GPATCH1: variants seen among roughly 807,000 people sequenced by gnomAD.
The protein encoded by GPATCH1 is G patch domain-containing protein 1.
A neutral mutation model predicts 114.9 loss-of-function variants in GPATCH1; 73 were observed. That is an observed-to-expected ratio of 0.64 (90% CI 0.53 to 0.77). The LOEUF is 0.77. Among genes scored for constraint, GPATCH1 ranks in the 30% least tolerant of loss-of-function variants. The pLI, the probability that GPATCH1 is intolerant of heterozygous loss-of-function variation, is 0.00. For missense variants in GPATCH1, 1,058 were observed against 1,144.3 expected, an observed-to-expected ratio of 0.92 and a Z score of 1.09; for synonymous variants, 391 against 428.4, an observed-to-expected ratio of 0.91 and a Z score of 1.08.
chr19:33,106,680 T>C lies in GPATCH1; in HGVS notation c.1081-15T>C, dbSNP rs762979891. 3 of 1,603,962 alleles carry C rather than the reference T, an allele frequency of 1.9e-6. No individual in the cohort carries two copies. Among genetic ancestry groups the C allele is most frequent in the Non-Finnish European group, 2.6e-6 (3 of 1,172,392 alleles). On this transcript the variant is annotated splice_polypyrimidine_tract_variant and intron_variant, in intron 9 of 19. Coordinates refer to ENST00000170564, the MANE Select transcript of GPATCH1 (RefSeq NM_018025.3). ...TGCAGCCTGTATTTTCTGGGTTTTGTCTTGGTTTGTTAAGATCTATCCACC... is the reference window on the plus strand; with the variant it reads ...TGCAGCCTGTATTTTCTGGGTTTTGCCTTGGTTTGTTAAGATCTATCCACC...
chr19:33,110,060 G>T (rs1476390883), intron 11 of GPATCH1, 44 bp downstream of exon 11: 1 of 1,505,238 alleles, frequency 6.6e-7, no homozygotes, highest in Admixed American at 1.9e-5. Flanking sequence ...CCCGGGCGGG[G>T]TCATATTCTC....
At chr19:33,118,970 TG>T in intron 16 of GPATCH1, 39 bp from the exon 17 acceptor site, 1 of 1,218,212 alleles carries the variant, frequency 8.2e-7, no homozygotes, top group Non-Finnish European at 1.2e-6. Flanking sequence ...GACATTAACA[TG>T]GGGCAGACGA....
chr19:33,122,451 A>G (rs920451795), intron 17 of GPATCH1, among the ~76,000 whole-genome samples: 2 of 151,568 alleles, frequency 1.3e-5, no homozygotes, highest in African/African-American at 4.8e-5. Context: ...CAGCCTCCCA[A>G]CTAGCTGGGA....
chr19:33,103,159 C>T (rs1191223860), intron 9 of GPATCH1, among the ~76,000 whole-genome samples: 1 of 152,202 alleles, frequency 6.6e-6, no homozygotes, highest in Non-Finnish European at 1.5e-5. Flanking sequence ...TAGATTGTTT[C>T]ACGCTTTAAT....
At chr19:33,088,376 G>T in intron 2 of GPATCH1, 108 bp downstream of exon 2, 3 of 829,238 alleles carry the variant, frequency 3.6e-6, no homozygotes, top group Non-Finnish European at 5.6e-6. Flanking sequence ...CAAGAGTCTC[G>T]CTCTGTCGCC....
At chr19:33,115,493 G>C (rs1235279687) in intron 15 of GPATCH1, among the ~76,000 whole-genome samples, 3 of 150,562 alleles carry the variant, frequency 2.0e-5, no homozygotes, top group East Asian at 2.0e-4. Context: ...ATTTAAAGTG[G>C]GTTTCTTTTT....
At chr19:33,084,255 T>TA (rs1837841215) in intron 1 of GPATCH1, among the ~76,000 whole-genome samples, 1 of 152,212 alleles carries the variant, frequency 6.6e-6, no homozygotes, top group South Asian at 2.1e-4. Flanking sequence ...CCATTTTAAT[T>TA]AAAGTTGCTG....
intron 7 of GPATCH1, 131 bp from the exon 8 acceptor site, chr19:33,097,624 G>A (rs928311084): frequency 8.8e-5 from 71 of 810,348 alleles, no homozygotes; most frequent in Admixed American, 1.9e-4. Context: ...TGGGACCCCC[G>A]TTCACTTCTC....
chr19:33,123,496 T>C (rs1973007715), intron 17 of GPATCH1, among the ~76,000 whole-genome samples: 1 of 152,022 alleles, frequency 6.6e-6, no homozygotes, highest in South Asian at 2.1e-4. Context: ...ACACATGTAA[T>C]CCCAGCACTT....
At chr19:33,098,116 G>A (rs1006957670) in intron 8 of GPATCH1, among the ~76,000 whole-genome samples, 6 of 152,244 alleles carry the variant, frequency 3.9e-5, no homozygotes, top group Non-Finnish European at 7.3e-5. Flanking sequence ...TGGGGCCCAG[G>A]TGGGAGGGAG....
Position 33,089,620 on chromosome 19 carries a change from AT to A in GPATCH1, c.209-1145del, listed in dbSNP as rs538212347. Reference sequence around the variant, plus strand: ...AAAAAGATGGGCTAGATCTTTTATAATTTTTTTTTTTTTTTCCTGAGATGTA... The same window carrying A: ...AAAAAGATGGGCTAGATCTTTTATAATTTTTTTTTTTTTTCCTGAGATGTA... On this transcript the variant is annotated intron_variant, in intron 2 of 19. Transcript: ENST00000170564. Among the ~76,000 whole-genome samples the A allele has an allele frequency of 4.8e-3, 687 of 144,364 alleles. 2 individuals carry two copies. Among genetic ancestry groups the A allele is most frequent in the African/African-American group, 0.014 (554 of 39,132 alleles). 94.7% of individuals were successfully genotyped at this position (144,364 alleles called of 152,430 possible). A position where few individuals can be genotyped will look rare whatever the true frequency, so the allele number is the denominator to read the frequency against.
chr19:33,123,004 G>A (rs1426760604), intron 17 of GPATCH1, among the ~76,000 whole-genome samples: 4 of 151,792 alleles, frequency 2.6e-5, no homozygotes. Flanking sequence ...CTCAGGAGGT[G>A]GAGGCTACAG....
At chr19:33,127,503 G>A (rs1283152366) in intron 19 of GPATCH1, among the ~76,000 whole-genome samples, 2 of 147,208 alleles carry the variant, frequency 1.4e-5, no homozygotes, top group Non-Finnish European at 3.0e-5. Flanking sequence ...GCGACAGAGC[G>A]AGACTCTTGT....
rs903723643 is a variant in GPATCH1 at position 33,109,871 on chromosome 19, G to A, written c.1440G>A (p.Ala480=). The stretch of plus-strand genomic sequence containing the variant: ...GCAGAGCCCAGCTCTCCCCTGCAGC[G>A]GCTGCTGGGCACTGCTCTTGGAACA... ...QSSRAQLSPA[A]AAGHCSWNMA... Residue 480 remains alanine (A), a synonymous_variant, in exon 11 of 20, where the codon GCG becomes GCA. Coordinates refer to ENST00000170564, the MANE Select transcript of GPATCH1 (RefSeq NM_018025.3). The A allele has an allele frequency of 3.7e-6, 6 of 1,614,106 alleles. No individual in the cohort carries two copies. The highest frequency in any genetic ancestry group is 1.3e-5 in the African/African-American group (1 of 75,054).
rs551293323 is a variant in GPATCH1, at chr19:33,123,608, C to T, written c.2522-1497C>T. On this transcript the variant is annotated intron_variant, in intron 17 of 19. Transcript: ENST00000170564. Reference sequence around the variant, plus strand: ...TCCACAAAAAAATTAAAAAATTAGCCGGGTATGGTGGTACATGCCTGTAGT... The same window carrying T: ...TCCACAAAAAAATTAAAAAATTAGCTGGGTATGGTGGTACATGCCTGTAGT... Among the ~76,000 whole-genome samples the T allele has an allele frequency of 7.9e-5, 12 of 151,966 alleles. No individual in the cohort carries two copies. In the South Asian group the frequency reaches 1.7e-3, roughly 21 times the overall value.
At chr19:33,106,940 C>T (rs762489398) in intron 10 of GPATCH1, 41 bp downstream of exon 10, 15 of 1,485,620 alleles carry the variant, frequency 1.0e-5, no homozygotes, top group East Asian at 6.8e-5. Flanking sequence ...TCACATAATT[C>T]GAGTTATCAA....
intron 4 of GPATCH1, among the ~76,000 whole-genome samples, 159 bp downstream of exon 4, chr19:33,093,678 A>G (rs1385460921): frequency 1.3e-5 from 2 of 152,174 alleles, no homozygotes; most frequent in Non-Finnish European, 2.9e-5. Context: ...TTGCACTGTC[A>G]TTGCACGGAG....
intron 4 of GPATCH1, among the ~76,000 whole-genome samples, chr19:33,093,963 C>T (rs1177860416): frequency 6.6e-6 from 1 of 152,144 alleles, no homozygotes; most frequent in Admixed American, 6.6e-5. Flanking sequence ...GGAGAAAGGT[C>T]ATCTGATTGA....
At position 33,097,794 on chromosome 19, in the gene GPATCH1, A is replaced by C. The variant is rs751517950; in HGVS notation, c.892A>C (p.Ile298Leu). ...TGCCCTGGAAGAGGAAGATGATGAT[A>C]TCTATGCCACAGAAACTCTATCCAA... ...VGALEEEDDD[I>L]YATETLSKYD... The change falls in exon 8 of 20, where the codon ATC (isoleucine) becomes CTC (leucine). Residue 298 changes from isoleucine (I) to leucine (L), a missense_variant. Coordinates refer to ENST00000170564, the MANE Select transcript of GPATCH1 (RefSeq NM_018025.3). The C allele has an allele frequency of 3.7e-6, 6 of 1,613,806 alleles. No homozygotes were observed. The African/African-American group carries it at 8.0e-5, about 22-fold the overall frequency.
Sources: allele counts gnomAD v4.1 joint callset (sites outside exome capture counted in the v4.1 genomes callset), GRCh38; gene constraint gnomAD v4.1.1; transcripts MANE v1.5; gene names NCBI Gene and HGNC (gene_info 2026-07-23, HGNC 2026-07-21).